Variants in SLC25A23 observed in about 807,000 individuals in gnomAD.
SLC25A23 encodes the protein mitochondrial adenyl nucleotide antiporter SLC25A23.
Under a neutral mutation model 53.9 loss-of-function variants are expected in SLC25A23, and 32 were observed. The ratio of observed to expected loss-of-function variants is 0.59; its 90% CI spans 0.45 to 0.80. The LOEUF (loss-of-function observed/expected upper bound fraction) is 0.80, where lower values mean the gene tolerates loss of function less well. SLC25A23 is among the 30% of genes least tolerant of loss of function. SLC25A23 has a pLI of 0.00. For missense variants in SLC25A23, 575 were observed against 651.4 expected (o/e 0.88, Z 1.28); for synonymous variants, 275 against 264.5 (o/e 1.04, Z -0.38).
chr19:6,458,448 G>A (rs879086238), intron 1 of SLC25A23, 124 bp from the exon 2 acceptor site: 36 of 1,065,868 alleles, frequency 3.4e-5, no homozygotes, highest in South Asian at 2.0e-4. Context: ...GATAGAAGAC[G>A]TCACCCCACT....
rs1284292947 is a variant in SLC25A23 at position 6,441,584 on chromosome 19, G to A, written c.*391C>T. ...CAGTAGGGGGCACAGGGAAGCGTGG[G>A]ATCCACCTTAGGATGTGGGGCTGCA... On this transcript the variant is annotated 3_prime_UTR_variant, in exon 10 of 10. Coordinates refer to ENST00000301454, the MANE Select transcript of SLC25A23 (RefSeq NM_024103.3). 4.3e-6 allele frequency: 1 copy of A among 234,864 alleles called. No homozygotes were observed. Among genetic ancestry groups the A allele is most frequent in the Non-Finnish European group, 8.5e-6 (1 of 117,918 alleles). 14.5% of individuals were successfully genotyped at this position (234,864 alleles called of 1,614,324 possible). A position where few individuals can be genotyped will look rare whatever the true frequency, so the allele number is the denominator to read the frequency against.
chr19:6,455,154 C>T (rs538176435), intron 4 of SLC25A23, among the ~76,000 whole-genome samples: 1 of 152,090 alleles, frequency 6.6e-6, no homozygotes, highest in Non-Finnish European at 1.5e-5. Flanking sequence ...TGCCTGTAGT[C>T]CCAGCTACTC....
chr19:6,447,694 G>A (rs529290000), intron 8 of SLC25A23, among the ~76,000 whole-genome samples: 4 of 145,304 alleles, frequency 2.8e-5, no homozygotes, highest in African/African-American at 1.0e-4. Context: ...TTTTTGAGAC[G>A]GAGTCTCGTT....
rs770586281 is a variant in SLC25A23 at position 6,456,465 on chromosome 19, C to G, written c.438G>C (p.Ser146=). 3 of 1,613,868 alleles carry G rather than the reference C, an allele frequency of 1.9e-6. No individual in the cohort carries two copies. Among genetic ancestry groups the G allele is most frequent in the South Asian group, 2.2e-5 (2 of 91,070 alleles). ...QEWRDHFLLH[S]LENVEDVLYF... ...ACAGCACGTCCTCCACATTTTCCAG[C>G]GAATGCAACAGGAAGTGGTCGCGCC... The change falls in exon 4 of 10, where the codon TCG becomes TCC. Residue 146 remains serine (S), a synonymous_variant. Transcript: ENST00000301454.
Position 6,454,403 on chromosome 19 carries a change from G to A in SLC25A23, c.715C>T (p.Arg239Cys), listed in dbSNP as rs141353364. ...LRSMVLEGGI[R>C]SLWRGNGINV... The stretch of plus-strand genomic sequence containing the variant: ...ATACCATTGCCGCGCCACAGGGAGC[G>A]GATGCCTCCCTCAAGGACCATGCTT... Residue 239 changes from arginine to cysteine, a missense_variant, in exon 6 of 10, where the codon CGC becomes TGC. Coordinates refer to ENST00000301454, the MANE Select transcript of SLC25A23 (RefSeq NM_024103.3). This position sits in a 1 kb window ranked among gnomAD's most constrained non-coding sequence, Gnocchi z 4.3. The A allele has an allele frequency of 3.1e-4, 495 of 1,614,154 alleles. 4 individuals are homozygous for A. The South Asian group carries it at 3.4e-3, about 11-fold the overall frequency.
rs914761736 is a variant in SLC25A23 at position 6,444,818 on chromosome 19, C to T, written c.1072-517G>A. On this transcript the variant is annotated intron_variant, in intron 8 of 9. Transcript: ENST00000301454. Reference sequence around the variant, plus strand: ...GGGTAGCTGGGAATACAGGTGCGTGCCACCACACCTGGCTAATTTTTTGTA... The same window carrying T: ...GGGTAGCTGGGAATACAGGTGCGTGTCACCACACCTGGCTAATTTTTTGTA... 2.6e-5 allele frequency among the ~76,000 whole-genome samples: 4 copies of T among 151,930 alleles called. No individual in the cohort carries two copies. In the East Asian group the frequency reaches 5.8e-4, roughly 22 times the overall value.
At chr19:6,457,643 A>T in intron 2 of SLC25A23, 53 bp from the exon 3 acceptor site, 1 of 1,487,194 alleles carries the variant, frequency 6.7e-7, no homozygotes. Flanking sequence ...ACACCTGGGG[A>T]ACCCCAGGAC....
At chr19:6,452,111 CA>C (rs2092600875) in intron 8 of SLC25A23, among the ~76,000 whole-genome samples, 200 bp downstream of exon 8, 1 of 152,064 alleles carries the variant, frequency 6.6e-6, no homozygotes, top group Admixed American at 6.6e-5. Flanking sequence ...AGCTGCTAAT[CA>C]AAAGTAAGTG....
chr19:6,456,577 G>C, intron 3 of SLC25A23, 46 bp from the exon 4 acceptor site: 1 of 1,499,018 alleles, frequency 6.7e-7, no homozygotes, highest in Non-Finnish European at 9.3e-7. Flanking sequence ...CAGTGCCTGG[G>C]GGTGGGCTAG....
intron 2 of SLC25A23, among the ~76,000 whole-genome samples, 171 bp from the exon 3 acceptor site, chr19:6,457,761 G>A (rs2092701505): frequency 6.6e-6 from 1 of 151,986 alleles, no homozygotes; most frequent in Non-Finnish European, 1.5e-5. Context: ...GACTCACTGG[G>A]GTCAGAGAGG....
intron 8 of SLC25A23, among the ~76,000 whole-genome samples, chr19:6,451,629 G>C (rs750243540): frequency 2.0e-5 from 3 of 151,954 alleles, no homozygotes; most frequent in Non-Finnish European, 4.4e-5. Flanking sequence ...TGAGGTCCCT[G>C]GAAGAGAAAC....
intron 3 of SLC25A23, 115 bp from the exon 4 acceptor site, chr19:6,456,646 C>T: frequency 1.5e-6 from 1 of 681,902 alleles, no homozygotes. Flanking sequence ...TCATATCAAC[C>T]CTATTAGAGA....
chr19:6,455,228 C>T (rs2092660901), intron 4 of SLC25A23, among the ~76,000 whole-genome samples: 1 of 152,160 alleles, frequency 6.6e-6, no homozygotes, highest in Admixed American at 6.6e-5. Context: ...GCTATGATCA[C>T]ACCACTGCAT....
Position 6,444,173 on chromosome 19 carries a change from G to T in SLC25A23, c.1200C>A (p.Val400=). 3 of 1,594,304 alleles carry T rather than the reference G, an allele frequency of 1.9e-6. No homozygotes were observed. Among genetic ancestry groups the T allele is most frequent in the Non-Finnish European group, 2.6e-6 (3 of 1,170,098 alleles). The part of the protein sequence containing the change: ...GQIASYPLAL[V]RTRMQAQASI... ...CACCTTGTGCCTGCATGCGGGTCCG[G>T]ACCAGGGCCAGCGGGTAACTGGCTA... Residue 400 remains valine, a synonymous_variant, in exon 9 of 10, where the codon GTC becomes GTA. Transcript: ENST00000301454.
At position 6,457,554 on chromosome 19, in the gene SLC25A23, C is replaced by T. The variant is rs1380534169; in HGVS notation, c.320G>A (p.Arg107Gln). Residue 107 changes from arginine (R) to glutamine (Q), a missense_variant, in exon 3 of 10, where the codon CGA becomes CAA. Coordinates refer to ENST00000301454, the MANE Select transcript of SLC25A23 (RefSeq NM_024103.3). ...CAGCGAGATGGAAATGCCCAGAGCT[C>T]GGAAACTCTGTTGGATCTCAGAGAC... is the stretch of plus-strand genomic sequence containing the variant. ...IDVSEIQQSF[R>Q]ALGISISLEQ... 14 of 1,613,870 alleles carry T rather than the reference C, an allele frequency of 8.7e-6. No homozygotes were observed. Among genetic ancestry groups the T allele is most frequent in the African/African-American group, 4.0e-5 (3 of 74,888 alleles).
At chr19:6,446,212 A>G (rs2092502367) in intron 8 of SLC25A23, among the ~76,000 whole-genome samples, 1 of 152,036 alleles carries the variant, frequency 6.6e-6, no homozygotes, top group Admixed American at 6.6e-5. Context: ...AAAAATACCA[A>G]AATTAGCCGG....
At chr19:6,452,501 C>T (rs746153495) in intron 7 of SLC25A23, 22 bp from the exon 8 acceptor site, 2 of 1,582,366 alleles carry the variant, frequency 1.3e-6, no homozygotes, top group Admixed American at 3.6e-5. Context: ...CTGGTTATCC[C>T]TGGAAAAGCT....
rs746413062 is a variant in SLC25A23, at chr19:6,454,581, T to C, written c.620A>G (p.Asp207Gly). The C allele has an allele frequency of 3.1e-6, 5 of 1,613,690 alleles. No individual in the cohort carries two copies. The highest frequency in any genetic ancestry group is 4.2e-6 in the Non-Finnish European group (5 of 1,179,980). ...CACCTGCATGAAGACCTTGAGGCGGTCCAGAGGGGCCGTGCCTGTCCGTGA... is the reference window on the plus strand; with the variant it reads ...CACCTGCATGAAGACCTTGAGGCGGCCCAGAGGGGCCGTGCCTGTCCGTGA... ...AVSRTGTAPLDRLKVFMQVHA... is the reference protein window; with the variant it reads ...AVSRTGTAPLGRLKVFMQVHA... Residue 207 changes from aspartate to glycine, a missense_variant, in exon 5 of 10, where the codon GAC becomes GGC. By Grantham distance (94) the Asp-to-Gly change is moderately conservative (BLOSUM62 -1). Coordinates refer to ENST00000301454, the MANE Select transcript of SLC25A23 (RefSeq NM_024103.3). This position sits in a 1 kb window ranked among gnomAD's most constrained non-coding sequence, Gnocchi z 4.3.
Position 6,452,856 on chromosome 19 carries a change from C to T in SLC25A23, c.904-377G>A, listed in dbSNP as rs758896712. On this transcript the variant is annotated intron_variant, in intron 7 of 9. Transcript: ENST00000301454. ...GGCATGAGCCATCATGCCCAGACCT[C>T]CAGTATCTTGTTCCCTTCTGCTTTC... 1.2e-4 allele frequency among the ~76,000 whole-genome samples: 18 copies of T among 152,286 alleles called. No homozygotes were observed. In the East Asian group the frequency reaches 1.4e-3, roughly 11 times the overall value.
Sources: gnomAD v4.1 joint callset for allele counts (sites outside exome capture counted in the v4.1 genomes callset) on GRCh38, gnomAD v4.1.1 for gene constraint, Gnocchi (gnomAD v3.1) non-coding constraint, MANE v1.5 for transcripts, NCBI Gene and HGNC (gene_info 2026-07-23, HGNC 2026-07-21) for gene names.